Variants in PDE4B observed in about 807,000 individuals in gnomAD.
PDE4B encodes 3',5'-cyclic-AMP phosphodiesterase 4B.
PDE4B carries 20 observed loss-of-function variants against 82.2 expected under a neutral mutation model. The ratio of observed to expected loss-of-function variants is 0.24; its 90% CI spans 0.17 to 0.35. The LOEUF (loss-of-function observed/expected upper bound fraction) is 0.35, where lower values mean the gene tolerates loss of function less well. Among genes scored for constraint, PDE4B ranks in the 10% least tolerant of loss-of-function variants. The pLI is 1.00. For missense variants in PDE4B, 655 were observed against 907.2 expected (o/e 0.72, Z 3.57); for synonymous variants, 320 against 318.9 (o/e 1.00, Z -0.04).
chr1:65,894,637 T>C (rs1646889228), intron 1 of PDE4B, among the ~76,000 whole-genome samples: 1 of 152,154 alleles, frequency 6.6e-6, no homozygotes, highest in Non-Finnish European at 1.5e-5. Context: ...AAATAATTTG[T>C]TTTCAAAACA....
At chr1:66,144,313 A>G (rs1023873110) in intron 3 of PDE4B, among the ~76,000 whole-genome samples, 1 of 152,200 alleles carries the variant, frequency 6.6e-6, no homozygotes, top group Non-Finnish European at 1.5e-5. Flanking sequence ...GATGCCAGGG[A>G]TACAAAAAGG....
At chr1:65,801,366 A>T (rs142983620) in intron 1 of PDE4B, among the ~76,000 whole-genome samples, 1 of 152,308 alleles carries the variant, frequency 6.6e-6, no homozygotes, top group East Asian at 1.9e-4. Flanking sequence ...ATTATTTGTT[A>T]CTTCCAGCAA....
chr1:65,793,097 G>C lies in PDE4B; in HGVS notation c.-222G>C, dbSNP rs1645590707. On this transcript the variant is annotated 5_prime_UTR_variant, in exon 1 of 17. Transcript: ENST00000341517. The stretch of plus-strand genomic sequence containing the variant: ...GCGAGCGCCCTCCGGGCAGACTTTC[G>C]TCCCCCACCCCCGGGAGCGCGGAAG... 1 of 151,936 alleles carries C rather than the reference G, an allele frequency of 6.6e-6. No homozygotes were observed. The highest frequency in any genetic ancestry group is 1.5e-5 in the Non-Finnish European group (1 of 68,034). 9.4% of individuals were successfully genotyped at this position (151,936 alleles called of 1,614,324 possible).
chr1:66,303,948 G>A (rs1186269941), intron 7 of PDE4B, among the ~76,000 whole-genome samples: 2 of 152,078 alleles, frequency 1.3e-5, no homozygotes, highest in Non-Finnish European at 1.5e-5. Context: ...TTTTGTGTCA[G>A]GTTAGAAGAC....
At chr1:65,829,522 A>T (rs1459417226) in intron 1 of PDE4B, among the ~76,000 whole-genome samples, 1 of 152,228 alleles carries the variant, frequency 6.6e-6, no homozygotes, top group African/African-American at 2.4e-5. Flanking sequence ...AACACTGAAC[A>T]TTCACAAAGA....
At chr1:65,937,896 C>T (rs1479643032) in intron 3 of PDE4B, among the ~76,000 whole-genome samples, 1 of 152,126 alleles carries the variant, frequency 6.6e-6, no homozygotes, top group Non-Finnish European at 1.5e-5. Context: ...ATGATATTCT[C>T]ACTGTAACAC....
intron 3 of PDE4B, among the ~76,000 whole-genome samples, chr1:66,141,327 AATATATATATATATATATATATATATAT>A (rs71058454): frequency 2.2e-5 from 2 of 91,482 alleles, no homozygotes; most frequent in South Asian, 7.5e-4. Flanking sequence ...AAGCTTTGAG[AATATATATATATATATATATATATATAT>A]ATATATATAT....
At chr1:66,275,695 C>A (rs1375877415) in intron 7 of PDE4B, among the ~76,000 whole-genome samples, 2 of 152,074 alleles carry the variant, frequency 1.3e-5, no homozygotes, top group African/African-American at 4.8e-5. Context: ...TCTGATCAAC[C>A]CCGAGCCAGC....
At position 65,877,607 on chromosome 1, in the gene PDE4B, T is replaced by C. The variant is rs936403037; in HGVS notation, c.-70-35638T>C. Reference sequence around the variant, plus strand: ...CCCAGCCTGGGCGATAGAGCAAGACTCTGTCTAAAAAATAAATAAATAAAT... The same window carrying C: ...CCCAGCCTGGGCGATAGAGCAAGACCCTGTCTAAAAAATAAATAAATAAAT... On this transcript the variant is annotated intron_variant, in intron 1 of 16. Coordinates refer to ENST00000341517, the MANE Select transcript of PDE4B (RefSeq NM_002600.4). 2.0e-5 allele frequency among the ~76,000 whole-genome samples: 3 copies of C among 149,218 alleles called. No homozygotes were observed. In the Admixed American group the frequency reaches 2.0e-4, roughly 10 times the overall value.
chr1:65,918,109 A>C lies in PDE4B; in HGVS notation c.43-488A>C, dbSNP rs1296943212. Among the ~76,000 whole-genome samples, 3 of 152,210 alleles carry C rather than the reference A, an allele frequency of 2.0e-5. No individual in the cohort carries two copies. The East Asian group carries it at 5.8e-4, about 29-fold the overall frequency. On this transcript the variant is annotated intron_variant, in intron 2 of 16. Coordinates refer to ENST00000341517, the MANE Select transcript of PDE4B (RefSeq NM_002600.4). Reference sequence around the variant, plus strand: ...AACCCAGGAGGAAGTGGTTGCAGTGAGCTGAGATCACTCCAGCCTGGGTGA... The same window carrying C: ...AACCCAGGAGGAAGTGGTTGCAGTGCGCTGAGATCACTCCAGCCTGGGTGA...
intron 9 of PDE4B, among the ~76,000 whole-genome samples, chr1:66,361,083 C>G (rs190322329): frequency 4.8e-4 from 73 of 152,168 alleles, no homozygotes; most frequent in African/African-American, 1.7e-3. Context: ...ATATATACTG[C>G]TTATTTAAAC....
intron 3 of PDE4B, among the ~76,000 whole-genome samples, chr1:65,920,424 T>C (rs555553307): frequency 6.6e-6 from 1 of 152,326 alleles, no homozygotes; most frequent in Admixed American, 6.5e-5. Flanking sequence ...CTGGGTAAAA[T>C]GTACAGTGCC....
At chr1:66,020,259 G>A (rs1413857137) in intron 3 of PDE4B, among the ~76,000 whole-genome samples, 1 of 152,112 alleles carries the variant, frequency 6.6e-6, no homozygotes, top group Non-Finnish European at 1.5e-5. Context: ...TAAAAATAGT[G>A]AACGTTAGGA....
In PDE4B at chr1:66,200,111, A is replaced by C. The variant is rs1277398713; in HGVS notation, c.282-47349A>C. Among the ~76,000 whole-genome samples, 10 of 152,144 alleles carry C rather than the reference A, an allele frequency of 6.6e-5. 1 individual carries two copies. The highest frequency in any genetic ancestry group is 2.2e-4 in the African/African-American group (9 of 41,514). ...CATTTATTAAATAGGGAATCCTTTC[A>C]CCATTTCTTGTTTTTGTCAGGTTTG... On this transcript the variant is annotated intron_variant, in intron 3 of 16. Transcript: ENST00000341517.
chr1:66,323,095 T>A (rs921946301), intron 7 of PDE4B, among the ~76,000 whole-genome samples: 1 of 152,144 alleles, frequency 6.6e-6, no homozygotes, highest in Non-Finnish European at 1.5e-5. Context: ...CAAATTTGGC[T>A]GGGCCACTCC....
At chr1:65,853,197 T>A (rs1469494015) in intron 1 of PDE4B, among the ~76,000 whole-genome samples, 1 of 152,080 alleles carries the variant, frequency 6.6e-6, no homozygotes, top group Non-Finnish European at 1.5e-5. Flanking sequence ...TTAAAAACAG[T>A]ATTCTTATGA....
At chr1:66,232,750 C>T (rs903469723) in intron 3 of PDE4B, among the ~76,000 whole-genome samples, 2 of 151,980 alleles carry the variant, frequency 1.3e-5, no homozygotes, top group African/African-American at 2.4e-5. Flanking sequence ...AAGAATTGAC[C>T]ATTGGTTTGG....
intron 3 of PDE4B, among the ~76,000 whole-genome samples, chr1:66,159,836 C>CA (rs1324708287): frequency 6.6e-6 from 1 of 152,156 alleles, no homozygotes; most frequent in East Asian, 1.9e-4. Context: ...GAGCAGCTGC[C>CA]ATTTATTGTG....
At chr1:65,831,241 A>C (rs1646078270) in intron 1 of PDE4B, among the ~76,000 whole-genome samples, 1 of 152,176 alleles carries the variant, frequency 6.6e-6, no homozygotes, top group Non-Finnish European at 1.5e-5. Context: ...GACAAAATTA[A>C]TGAAACCAAA....
Sources: allele counts gnomAD v4.1 joint callset (sites outside exome capture counted in the v4.1 genomes callset), GRCh38; gene constraint gnomAD v4.1.1; transcripts MANE v1.5; gene names NCBI Gene and HGNC (gene_info 2026-07-23, HGNC 2026-07-21).